The following SLC5A12 variants were observed in gnomAD, a reference collection of about 807,000 sequenced individuals.
The protein encoded by SLC5A12 is solute carrier family 5 member 12, also known as sodium-coupled monocarboxylate transporter 2.
A neutral mutation model predicts 72.7 loss-of-function variants in SLC5A12; 46 were observed. The ratio of observed to expected loss-of-function variants is 0.63; its 90% confidence interval spans 0.50 to 0.81. The LOEUF (loss-of-function observed/expected upper bound fraction) is 0.81. SLC5A12 is among the 30% of genes least tolerant of loss of function. SLC5A12 has a pLI of 0.00. For synonymous variants in SLC5A12, 275 were observed against 264.4 expected (o/e 1.04, Z -0.39); for missense variants, 683 against 740.7 (o/e 0.92, Z 0.90).
At chr11:26,707,687 A>G (rs926742359) in intron 4 of SLC5A12, among the ~76,000 whole-genome samples, 4 of 151,934 alleles carry the variant, frequency 2.6e-5, no homozygotes, top group African/African-American at 4.8e-5. Flanking sequence ...ATGCATATCT[A>G]TTCTCTTATT....
Position 26,721,382 on chromosome 11 carries a change from A to C in SLC5A12, c.333T>G (p.Thr111=). 1 of 1,592,694 alleles carries C rather than the reference A, an allele frequency of 6.3e-7. No individual in the cohort carries two copies. Among genetic ancestry groups the C allele is most frequent in the Non-Finnish European group, 8.6e-7 (1 of 1,169,310 alleles). Residue 111 remains threonine, a synonymous_variant, in exon 1 of 15, where the codon ACT becomes ACG. Coordinates refer to ENST00000396005, the MANE Select transcript of SLC5A12 (RefSeq NM_178498.4). The part of the protein sequence containing the change: ...PVFYRSGITS[T]YEYLQLRFNK... Reference sequence around the variant, plus strand: ...AATGGAGAAATCATCTTACCTCATAAGTGCTGGTGATACCAGATCTGTAGA... The same window carrying C: ...AATGGAGAAATCATCTTACCTCATACGTGCTGGTGATACCAGATCTGTAGA...
At chr11:26,679,158 A>G (rs1002799487) in intron 12 of SLC5A12, among the ~76,000 whole-genome samples, 1 of 152,146 alleles carries the variant, frequency 6.6e-6, no homozygotes, top group Non-Finnish European at 1.5e-5. Flanking sequence ...AGTGATATAA[A>G]GATGAGAAAG....
chr11:26,701,226 C>G (rs912993630), intron 6 of SLC5A12, among the ~76,000 whole-genome samples: 5 of 152,144 alleles, frequency 3.3e-5, no homozygotes, highest in Non-Finnish European at 7.4e-5. Flanking sequence ...ACTGATTTCT[C>G]TCTCCTGAAT....
chr11:26,706,037 C>A lies in SLC5A12; in HGVS notation c.526-2090G>T, dbSNP rs951494806. On this transcript the variant is annotated intron_variant, in intron 4 of 14. Coordinates refer to ENST00000396005, the MANE Select transcript of SLC5A12 (RefSeq NM_178498.4). ...GTCACCCACATATTTAATCAAACTGCCTTGTTTGGGGTCTAATGTTTGCCC... is the reference window on the plus strand; with the variant it reads ...GTCACCCACATATTTAATCAAACTGACTTGTTTGGGGTCTAATGTTTGCCC... Among the ~76,000 whole-genome samples, 4 of 151,492 alleles carry A rather than the reference C, an allele frequency of 2.6e-5. No individual in the cohort carries two copies. The South Asian group carries it at 6.3e-4, about 24-fold the overall frequency.
chr11:26,702,573 G>A (rs188855761), intron 6 of SLC5A12, among the ~76,000 whole-genome samples: 58 of 152,232 alleles, frequency 3.8e-4, no homozygotes, highest in Non-Finnish European at 7.2e-4. Flanking sequence ...TGCCAGTTTT[G>A]TGAAAGTGTA....
chr11:26,678,877 G>A lies in SLC5A12; in HGVS notation c.1476-62C>T, dbSNP rs1854327352. 19 of 1,090,736 alleles carry A rather than the reference G, an allele frequency of 1.7e-5. No individual in the cohort carries two copies. In the South Asian group the frequency reaches 2.6e-4, roughly 15 times the overall value. 67.6% of individuals were successfully genotyped at this position (1,090,736 alleles called of 1,614,324 possible). Reference sequence around the variant, plus strand: ...CCTAAAGACCCACAGTGATGTAGAGGACTGCTCAGGATTCATTTTAGGGCC... The same window carrying A: ...CCTAAAGACCCACAGTGATGTAGAGAACTGCTCAGGATTCATTTTAGGGCC... On this transcript the variant is annotated intron_variant, in intron 12 of 14. Coordinates refer to ENST00000396005, the MANE Select transcript of SLC5A12 (RefSeq NM_178498.4).
At chr11:26,703,004 A>G (rs867668962) in intron 6 of SLC5A12, among the ~76,000 whole-genome samples, 1 of 152,184 alleles carries the variant, frequency 6.6e-6, no homozygotes, top group Admixed American at 6.5e-5. Context: ...CTTTGCTTCC[A>G]TGTCTAATCT....
chr11:26,698,486 C>G lies in SLC5A12; in HGVS notation c.871G>C (p.Val291Leu). 1 of 1,613,984 alleles carries G rather than the reference C, an allele frequency of 6.2e-7. No homozygotes were observed. Among genetic ancestry groups the G allele is most frequent in the South Asian group, 1.1e-5 (1 of 91,076 alleles). Reference sequence around the variant, plus strand: ...GAGTACATGATTAAGCCAGAGAAGACAGCACACACCAGAATGATCCAGAGA... The same window carrying G: ...GAGTACATGATTAAGCCAGAGAAGAGAGCACACACCAGAATGATCCAGAGA... ...LGLWIILVCA[V>L]FSGLIMYSHF... is the part of the protein sequence containing the mutation. Residue 291 changes from valine (V) to leucine (L), a missense_variant, in exon 7 of 15, where the codon GTC becomes CTC. Physicochemically the swap from Val to Leu is conservative, Grantham distance 32 (BLOSUM62 1). Transcript: ENST00000396005.
chr11:26,710,597 G>A (rs980250262), intron 3 of SLC5A12, among the ~76,000 whole-genome samples: 3 of 151,996 alleles, frequency 2.0e-5, no homozygotes, highest in Non-Finnish European at 4.4e-5. Flanking sequence ...CTAATTACCA[G>A]TGATCTTTGA....
intron 7 of SLC5A12, 109 bp downstream of exon 7, chr11:26,698,297 G>A: frequency 7.2e-7 from 1 of 1,397,752 alleles, no homozygotes; most frequent in South Asian, 1.5e-5. Context: ...TGGGGTTTGA[G>A]AAATAGTGAG....
chr11:26,677,892 C>T (rs1854300959), intron 13 of SLC5A12, among the ~76,000 whole-genome samples: 1 of 152,118 alleles, frequency 6.6e-6, no homozygotes, highest in African/African-American at 2.4e-5. Flanking sequence ...AGCTAAAATA[C>T]ATACTCCAAG....
chr11:26,671,063 G>GTGTGTGTT lies in SLC5A12; in HGVS notation c.*38_*39insAACACACA. 6.5e-7 allele frequency: 1 copy of GTGTGTGTT among 1,548,650 alleles called. No individual in the cohort carries two copies. Among genetic ancestry groups the GTGTGTGTT allele is most frequent in the Non-Finnish European group, 8.8e-7 (1 of 1,134,264 alleles). ...ATGTGGAGTTTGTGTGTGTGTGTGTGTATTGCACGTGTGTGTGTGCATTCA... is the reference window on the plus strand; with the variant it reads ...ATGTGGAGTTTGTGTGTGTGTGTGTGTGTGTGTTTATTGCACGTGTGTGTGTGCATTCA... On this transcript the variant is annotated 3_prime_UTR_variant, in exon 15 of 15. Coordinates refer to ENST00000396005, the MANE Select transcript of SLC5A12 (RefSeq NM_178498.4).
chr11:26,694,799 T>C (rs1024256569), intron 8 of SLC5A12, among the ~76,000 whole-genome samples: 1 of 152,178 alleles, frequency 6.6e-6, no homozygotes, highest in South Asian at 2.1e-4. Context: ...TTTCTAAAAT[T>C]AGCATAAATA....
intron 14 of SLC5A12, 28 bp downstream of exon 14, chr11:26,673,374 A>AT: frequency 6.6e-7 from 1 of 1,516,622 alleles, no homozygotes; most frequent in South Asian, 1.3e-5. Flanking sequence ...GTCCATACAC[A>AT]TTTTTAGAAG....
At chr11:26,718,836 AG>A (rs1391351359) in intron 1 of SLC5A12, among the ~76,000 whole-genome samples, 7 of 152,176 alleles carry the variant, frequency 4.6e-5, no homozygotes, top group African/African-American at 1.7e-4. Context: ...ATTTTTATAA[AG>A]CAAGAGGTAA....
At chr11:26,679,736 C>CA (rs1224401080) in intron 12 of SLC5A12, among the ~76,000 whole-genome samples, 1 of 152,066 alleles carries the variant, frequency 6.6e-6, no homozygotes, top group African/African-American at 2.4e-5. Flanking sequence ...TAGTTAATAA[C>CA]ATTAAAACCA....
At chr11:26,715,337 C>T (rs1855325873) in intron 1 of SLC5A12, among the ~76,000 whole-genome samples, 1 of 43,686 alleles carries the variant, frequency 2.3e-5, no homozygotes. Context: ...TAGGGCAGAT[C>T]AGAAGGCTTG....
intron 1 of SLC5A12, among the ~76,000 whole-genome samples, chr11:26,720,608 T>G (rs1168775308): frequency 6.6e-6 from 1 of 152,082 alleles, no homozygotes; most frequent in East Asian, 1.9e-4. Flanking sequence ...GCAGTGACTT[T>G]AGGAATGATA....
At chr11:26,673,233 T>G (rs182024079) in intron 14 of SLC5A12, among the ~76,000 whole-genome samples, 169 bp downstream of exon 14, 34 of 152,326 alleles carry the variant, frequency 2.2e-4, no homozygotes, top group Non-Finnish European at 4.4e-5. Context: ...ATTTATGTGC[T>G]TAAAAGCTGA....
Sources: allele counts gnomAD v4.1 joint callset (sites outside exome capture counted in the v4.1 genomes callset), GRCh38; gene constraint gnomAD v4.1.1; transcripts MANE v1.5; gene names NCBI Gene and HGNC (gene_info 2026-07-23, HGNC 2026-07-21).